Variants in GTPBP10 observed in about 807,000 individuals in gnomAD.
GTPBP10 encodes GTP-binding protein 10.
Under a neutral mutation model 44.8 loss-of-function variants are expected in GTPBP10, and 38 were observed. The ratio of observed to expected loss-of-function variants is 0.85; its 90% CI spans 0.65 to 1.11. The LOEUF (loss-of-function observed/expected upper bound fraction) is 1.11. GTPBP10 is among the 50% of genes most tolerant of loss of function. The pLI, the probability that GTPBP10 is intolerant of heterozygous loss-of-function variation, is 0.00. For synonymous variants in GTPBP10, 152 were observed against 150.6 expected, an observed-to-expected ratio of 1.01 and a Z score of -0.07; for missense variants, 462 against 453.7, an observed-to-expected ratio of 1.02 and a Z score of -0.17.
At chr7:90,380,457 G>A (rs1444467906) in intron 8 of GTPBP10, among the ~76,000 whole-genome samples, 2 of 151,954 alleles carry the variant, frequency 1.3e-5, no homozygotes, top group East Asian at 3.9e-4. Flanking sequence ...CTTTTTCAGT[G>A]TATTTTTTCT....
chr7:90,359,919 T>G (rs1174508647), intron 4 of GTPBP10, among the ~76,000 whole-genome samples: 3 of 152,264 alleles, frequency 2.0e-5, no homozygotes, highest in Non-Finnish European at 4.4e-5. Context: ...ATATGTTTGT[T>G]GGATGCATAA....
At position 90,389,235 on chromosome 7, in the gene GTPBP10, A is replaced by G. The variant is rs1796574893; in HGVS notation, c.*4081A>G. On this transcript the variant is annotated 3_prime_UTR_variant, in exon 10 of 10. Transcript: ENST00000222511. The stretch of plus-strand genomic sequence containing the variant: ...TAATCATATCTAAAGTGGTAATGTT[A>G]CCATATGCTGGGTACTGGGCTGAGT... The G allele has an allele frequency of 1.3e-5, 2 of 152,180 alleles. No individual in the cohort carries two copies. Among genetic ancestry groups the G allele is most frequent in the African/African-American group, 4.8e-5 (2 of 41,444 alleles). 9.4% of individuals were successfully genotyped at this position (152,180 alleles called of 1,614,324 possible). A position where few individuals can be genotyped will look rare whatever the true frequency, so the allele number is the denominator to read the frequency against.
chr7:90,348,991 AGCTCTTGAGTTTCTTCAAGATCC>A (rs1795737126), intron 1 of GTPBP10, among the ~76,000 whole-genome samples: 1 of 152,156 alleles, frequency 6.6e-6, no homozygotes, highest in Admixed American at 6.5e-5. Context: ...GGTGGCTGTT[AGCTCTTGAGTTTCTTCAAGATCC>A]ATATCTTGAA....
rs1371853854 is a variant in GTPBP10, at chr7:90,391,105, T to C, written c.*5951T>C. On this transcript the variant is annotated 3_prime_UTR_variant, in exon 10 of 10. Coordinates refer to ENST00000222511, the MANE Select transcript of GTPBP10 (RefSeq NM_033107.4). The stretch of plus-strand genomic sequence containing the variant: ...GAAAACAAATCTTTCCAGGAAGTGG[T>C]ACCACTCTGGGGTCAAGAGAAATTG... 2.0e-5 allele frequency: 3 copies of C among 152,166 alleles called. No individual in the cohort carries two copies. Among genetic ancestry groups the C allele is most frequent in the Non-Finnish European group, 2.9e-5 (2 of 68,024 alleles). The allele number at this position is 152,166 out of a possible 1,614,324, so 9.4% of individuals were successfully genotyped here.
intron 2 of GTPBP10, 101 bp downstream of exon 2, chr7:90,353,110 A>G (rs1795826135): frequency 1.3e-6 from 1 of 746,072 alleles, no homozygotes; most frequent in Admixed American, 3.2e-5. Context: ...TTTGAAGTAA[A>G]TTATTTCCTG....
chr7:90,373,954 C>T (rs1420123044), intron 5 of GTPBP10, among the ~76,000 whole-genome samples: 1 of 152,202 alleles, frequency 6.6e-6, no homozygotes, highest in Non-Finnish European at 1.5e-5. Flanking sequence ...AATCCTCCCA[C>T]CTCAGCCTCT....
At chr7:90,380,003 T>C (rs1355341483) in intron 8 of GTPBP10, among the ~76,000 whole-genome samples, 2 of 152,178 alleles carry the variant, frequency 1.3e-5, no homozygotes, top group East Asian at 3.8e-4. Context: ...TGTGCATTAC[T>C]ATTTGTATTA....
At chr7:90,374,417 T>A in intron 6 of GTPBP10, 63 bp downstream of exon 6, 1 of 1,031,298 alleles carries the variant, frequency 9.7e-7, no homozygotes, top group Admixed American at 1.9e-5. Flanking sequence ...TGGTACGTAC[T>A]TGGATATTAT....
Position 90,346,729 on chromosome 7 carries a change from G to A in GTPBP10, c.-13G>A, listed in dbSNP as rs201078754. ...GCCGCTTCCGCAAGAAGGTTTCCTG[G>A]CCTGTTGCAGCCATGGTGCATTGCA... On this transcript the variant is annotated 5_prime_UTR_variant, in exon 1 of 10. Coordinates refer to ENST00000222511, the MANE Select transcript of GTPBP10 (RefSeq NM_033107.4). 5 of 1,614,220 alleles carry A rather than the reference G, an allele frequency of 3.1e-6. No individual in the cohort carries two copies. Among genetic ancestry groups the A allele is most frequent in the South Asian group, 1.1e-5 (1 of 91,086 alleles).
At chr7:90,378,732 C>T (rs1796387603) in intron 8 of GTPBP10, among the ~76,000 whole-genome samples, 1 of 151,898 alleles carries the variant, frequency 6.6e-6, no homozygotes, top group African/African-American at 2.4e-5. Flanking sequence ...TTTTTTGAGA[C>T]AGAGTCTTGC....
intron 4 of GTPBP10, among the ~76,000 whole-genome samples, chr7:90,359,284 A>T (rs368943269): frequency 6.6e-6 from 1 of 152,016 alleles, no homozygotes. Context: ...TCCTAATGCT[A>T]TCCCTCCCCC....
At chr7:90,364,765 T>C (rs1796097463) in intron 4 of GTPBP10, among the ~76,000 whole-genome samples, 1 of 152,198 alleles carries the variant, frequency 6.6e-6, no homozygotes, top group South Asian at 2.1e-4. Context: ...TGAGCTGTGG[T>C]GGACTCCACC....
chr7:90,365,006 G>A (rs981001064), intron 4 of GTPBP10, among the ~76,000 whole-genome samples: 7 of 152,164 alleles, frequency 4.6e-5, no homozygotes, highest in East Asian at 1.9e-4. Flanking sequence ...GGAGTGACCC[G>A]ATTTTCCAGG....
chr7:90,377,024 G>C (rs1796354050), intron 6 of GTPBP10, among the ~76,000 whole-genome samples: 1 of 152,202 alleles, frequency 6.6e-6, no homozygotes, highest in African/African-American at 2.4e-5. Flanking sequence ...AGGAGTTTGA[G>C]AGCAGCCTGT....
At chr7:90,365,659 A>C (rs1362045027) in intron 4 of GTPBP10, among the ~76,000 whole-genome samples, 2 of 152,042 alleles carry the variant, frequency 1.3e-5, no homozygotes, top group Non-Finnish European at 2.9e-5. Context: ...TACAGGCGTG[A>C]GCCACCGCGC....
intron 6 of GTPBP10, among the ~76,000 whole-genome samples, chr7:90,376,647 A>G (rs1177336213): frequency 6.6e-6 from 1 of 152,210 alleles, no homozygotes; most frequent in Non-Finnish European, 1.5e-5. Context: ...CACCTCTATT[A>G]ATGTAGTAAA....
intron 4 of GTPBP10, 31 bp downstream of exon 4, chr7:90,355,261 C>T: frequency 7.4e-7 from 1 of 1,359,412 alleles, no homozygotes; most frequent in Non-Finnish European, 9.9e-7. Context: ...TATTATTATA[C>T]TTTCAGAGAG....
At chr7:90,383,777 T>TA (rs1179011673) in intron 9 of GTPBP10, 1 of 152,142 alleles carries the variant, frequency 6.6e-6, no homozygotes, top group African/African-American at 2.4e-5. Context: ...TGAGGAAAAG[T>TA]AGGGTGTATG....
At chr7:90,381,885 C>A (rs1796440985) in intron 8 of GTPBP10, among the ~76,000 whole-genome samples, 1 of 152,074 alleles carries the variant, frequency 6.6e-6, no homozygotes, top group Admixed American at 6.6e-5. Flanking sequence ...GAAATTAGAT[C>A]CTTACTTCAC....
Sources: allele counts gnomAD v4.1 joint callset (sites outside exome capture counted in the v4.1 genomes callset), GRCh38; gene constraint gnomAD v4.1.1; transcripts MANE v1.5; gene names NCBI Gene and HGNC (gene_info 2026-07-23, HGNC 2026-07-21).